LHFPL3: variants seen among roughly 807,000 people sequenced by gnomAD.
LHFPL3 encodes LHFPL tetraspan subfamily member 3.
A neutral mutation model predicts 19.3 loss-of-function variants in LHFPL3; 5 were observed. That is an observed-to-expected ratio of 0.26 (90% CI 0.14 to 0.54). The LOEUF (loss-of-function observed/expected upper bound fraction) is 0.54, where lower values mean the gene tolerates loss of function less well. Ranked by LOEUF, LHFPL3 falls within the 20% of genes least tolerant of loss-of-function variation. The pLI, the probability that LHFPL3 is intolerant of heterozygous loss-of-function variation, is 0.94. For missense variants in LHFPL3, 249 were observed against 307.4 expected, an observed-to-expected ratio of 0.81 and a Z score of 1.42; for synonymous variants, 133 against 126.2, an observed-to-expected ratio of 1.05 and a Z score of -0.36.
chr7:104,417,884 C>CTTCTTTTTTTTTT (rs1554391164), intron 1 of LHFPL3, among the ~76,000 whole-genome samples: 1 of 117,762 alleles, frequency 8.5e-6, no homozygotes, highest in Non-Finnish European at 1.8e-5. Context: ...TCTTCTTCTT[C>CTTCTTTTTTTTTT]TTTTTTTTTT....
chr7:104,608,397 C>T (rs991478685), intron 1 of LHFPL3, among the ~76,000 whole-genome samples: 2 of 149,976 alleles, frequency 1.3e-5, no homozygotes, highest in African/African-American at 4.9e-5. Context: ...ATCACAAGGA[C>T]AAAAAACCAA....
intron 1 of LHFPL3, among the ~76,000 whole-genome samples, chr7:104,473,027 A>G (rs1419443729): frequency 6.6e-6 from 1 of 152,228 alleles, no homozygotes; most frequent in East Asian, 1.9e-4. Context: ...AAAATTTCAA[A>G]TGGCCATAAT....
At chr7:104,402,178 A>C (rs957376053) in intron 1 of LHFPL3, among the ~76,000 whole-genome samples, 2 of 152,140 alleles carry the variant, frequency 1.3e-5, no homozygotes, top group Non-Finnish European at 2.9e-5. Context: ...ACTTCCACTG[A>C]AAGTGCTGCA....
intron 1 of LHFPL3, among the ~76,000 whole-genome samples, chr7:104,643,990 G>T (rs374549355): frequency 1.3e-5 from 2 of 152,144 alleles, no homozygotes; most frequent in African/African-American, 4.8e-5. Context: ...CATCATTAAC[G>T]GATGTCAACT....
chr7:104,505,897 CGTCTT>C (rs1793689305), intron 1 of LHFPL3, among the ~76,000 whole-genome samples: 1 of 152,130 alleles, frequency 6.6e-6, no homozygotes, highest in Non-Finnish European at 1.5e-5. Context: ...ATAGAAAGGA[CGTCTT>C]GTATATATCT....
At chr7:104,570,746 A>G (rs1171892674) in intron 1 of LHFPL3, among the ~76,000 whole-genome samples, 3 of 152,090 alleles carry the variant, frequency 2.0e-5, no homozygotes, top group Non-Finnish European at 4.4e-5. Context: ...AGGTAAACTC[A>G]TATCACGGGG....
chr7:104,697,757 C>A lies in LHFPL3; in HGVS notation c.446-38918C>A, dbSNP rs117637435. On this transcript the variant is annotated intron_variant, in intron 1 of 2. Coordinates refer to ENST00000424859, the MANE Select transcript of LHFPL3 (RefSeq NM_199000.3). ...CTAGTGCTGATGTAATATTTATTATCTTAAGTATAAGGGGGAAAAAACAGC... is the reference window on the plus strand; with the variant it reads ...CTAGTGCTGATGTAATATTTATTATATTAAGTATAAGGGGGAAAAAACAGC... Among the ~76,000 whole-genome samples the A allele has an allele frequency of 6.0e-3, 911 of 152,196 alleles. 6 individuals are homozygous for A. The highest frequency in any genetic ancestry group is 9.0e-3 in the Non-Finnish European group (613 of 68,006).
chr7:104,392,806 T>C (rs1791103908), intron 1 of LHFPL3, among the ~76,000 whole-genome samples: 2 of 152,160 alleles, frequency 1.3e-5, no homozygotes, highest in Admixed American at 1.3e-4. Context: ...GCTGTGAATC[T>C]GTCTTGTCCT....
intron 1 of LHFPL3, among the ~76,000 whole-genome samples, chr7:104,434,911 AT>A (rs1407863341): frequency 6.6e-6 from 1 of 152,100 alleles, no homozygotes; most frequent in East Asian, 1.9e-4. Context: ...CAATATAATT[AT>A]TTTTATTAGG....
At chr7:104,770,792 C>T (rs934971694) in intron 2 of LHFPL3, among the ~76,000 whole-genome samples, 2 of 152,238 alleles carry the variant, frequency 1.3e-5, no homozygotes, top group African/African-American at 4.8e-5. Context: ...CTATTTTCCA[C>T]AGCCTCATAA....
chr7:104,367,636 G>T (rs1790521406), intron 1 of LHFPL3, among the ~76,000 whole-genome samples: 1 of 152,052 alleles, frequency 6.6e-6, no homozygotes, highest in South Asian at 2.1e-4. Context: ...CAGCATAGGG[G>T]GTATATTTTC....
chr7:104,439,051 A>G (rs904147579), intron 1 of LHFPL3, among the ~76,000 whole-genome samples: 7 of 152,222 alleles, frequency 4.6e-5, no homozygotes, highest in African/African-American at 1.7e-4. Context: ...GAAGTAGAAA[A>G]CATAAATAGC....
chr7:104,817,615 A>G (rs1285188265), intron 2 of LHFPL3, among the ~76,000 whole-genome samples: 3 of 152,176 alleles, frequency 2.0e-5, no homozygotes, highest in Non-Finnish European at 4.4e-5. Flanking sequence ...TCTATGCTTC[A>G]TCATAGAGCC....
intron 1 of LHFPL3, among the ~76,000 whole-genome samples, chr7:104,617,361 C>A (rs1791366818): frequency 6.6e-6 from 1 of 152,046 alleles, no homozygotes; most frequent in African/African-American, 2.4e-5. Flanking sequence ...AAGATAAAGT[C>A]TTTCATATCT....
intron 1 of LHFPL3, among the ~76,000 whole-genome samples, chr7:104,698,609 T>C (rs991037616): frequency 3.3e-5 from 5 of 152,224 alleles, no homozygotes; most frequent in African/African-American, 1.2e-4. Flanking sequence ...CAAAAACCTG[T>C]ACATGGATGT....
At chr7:104,637,864 T>A (rs1420701006) in intron 1 of LHFPL3, among the ~76,000 whole-genome samples, 1 of 150,334 alleles carries the variant, frequency 6.7e-6, no homozygotes, top group Non-Finnish European at 1.5e-5. Context: ...TTTCTTGGTC[T>A]TGGCTATTCT....
intron 2 of LHFPL3, among the ~76,000 whole-genome samples, chr7:104,841,491 GGGGTGTGTGT>G (rs1249268895): frequency 8.2e-4 from 116 of 141,924 alleles, no homozygotes; most frequent in East Asian, 2.2e-3. Flanking sequence ...TGCATTATGT[GGGGTGTGTGT>G]GTGTGTGTGT....
At chr7:104,562,416 G>A (rs1022612239) in intron 1 of LHFPL3, among the ~76,000 whole-genome samples, 22 of 152,040 alleles carry the variant, frequency 1.4e-4, no homozygotes, top group African/African-American at 3.6e-4. Context: ...TTCCCTTCTC[G>A]CTTCATTTCA....
chr7:104,561,113 A>G (rs1225189430), intron 1 of LHFPL3, among the ~76,000 whole-genome samples: 2 of 152,066 alleles, frequency 1.3e-5, no homozygotes, highest in Non-Finnish European at 2.9e-5. Context: ...TATGTGGTCA[A>G]TTTTGGAATA....
Sources: gnomAD v4.1 joint callset for allele counts (sites outside exome capture counted in the v4.1 genomes callset) on GRCh38, gnomAD v4.1.1 for gene constraint, MANE v1.5 for transcripts, NCBI Gene and HGNC (gene_info 2026-07-23, HGNC 2026-07-21) for gene names.